The following TMEM131 variants were observed in gnomAD, a reference collection of about 807,000 sequenced individuals.
TMEM131 encodes 2610524E03Rik.
In TMEM131, 66 loss-of-function variants were observed where a neutral mutation model predicts 211.6. The observed-to-expected ratio is 0.31, with a 90% CI of 0.26 to 0.38. TMEM131 has a LOEUF of 0.38. Ranked by LOEUF, TMEM131 falls within the 10% of genes least tolerant of loss-of-function variation. TMEM131 has a pLI of 1.00. For synonymous variants in TMEM131, 844 were observed against 841.3 expected, an observed-to-expected ratio of 1.00 and a Z score of -0.06; for missense variants, 2,036 against 2,299.3, an observed-to-expected ratio of 0.89 and a Z score of 2.34.
chr2:97,920,299 G>A (rs936990032), intron 2 of TMEM131, among the ~76,000 whole-genome samples: 1 of 152,176 alleles, frequency 6.6e-6, no homozygotes, highest in African/African-American at 2.4e-5. Flanking sequence ...TATCTTGGGT[G>A]GGGGTGGCAA....
intron 1 of TMEM131, among the ~76,000 whole-genome samples, chr2:97,945,082 G>C (rs2104510675): frequency 6.6e-6 from 1 of 152,282 alleles, no homozygotes; most frequent in Middle Eastern, 3.4e-3. Flanking sequence ...ACTGACTAAT[G>C]AGCAGTTAAC....
chr2:97,797,025 A>C (rs758733158), intron 26 of TMEM131, 39 bp from the exon 27 acceptor site: 2 of 1,582,264 alleles, frequency 1.3e-6, no homozygotes, highest in Admixed American at 1.8e-5. Context: ...TCTCTCATTA[A>C]ATCTGCACAA....
chr2:97,939,945 A>G (rs1275518769), intron 1 of TMEM131, among the ~76,000 whole-genome samples: 3 of 152,246 alleles, frequency 2.0e-5, no homozygotes, highest in Non-Finnish European at 2.9e-5. Flanking sequence ...CAATAGATGC[A>G]GAAAAGGCCT....
At chr2:97,929,488 C>T (rs1181249260) in intron 1 of TMEM131, among the ~76,000 whole-genome samples, 1 of 151,802 alleles carries the variant, frequency 6.6e-6, no homozygotes, top group African/African-American at 2.4e-5. Flanking sequence ...CACTGTCCCA[C>T]ATATGTACCT....
chr2:97,940,083 A>C (rs1237763077), intron 1 of TMEM131, among the ~76,000 whole-genome samples: 2 of 152,204 alleles, frequency 1.3e-5, no homozygotes, highest in African/African-American at 4.8e-5. Context: ...ATAGACAAAA[A>C]TTGGAAGCAT....
intron 1 of TMEM131, among the ~76,000 whole-genome samples, chr2:97,972,820 C>T (rs1412045800): frequency 6.6e-6 from 1 of 152,126 alleles, no homozygotes; most frequent in Non-Finnish European, 1.5e-5. Context: ...CCCAATGCTG[C>T]TGGCTTTGAA....
chr2:97,960,939 C>T (rs1346967825), intron 1 of TMEM131, among the ~76,000 whole-genome samples: 2 of 151,846 alleles, frequency 1.3e-5, no homozygotes, highest in African/African-American at 4.8e-5. Flanking sequence ...GTTACTTCAC[C>T]ATCTTAATAT....
chr2:97,854,472 C>T (rs1673758826), intron 5 of TMEM131, among the ~76,000 whole-genome samples: 1 of 152,192 alleles, frequency 6.6e-6, no homozygotes, highest in African/African-American at 2.4e-5. Flanking sequence ...CCACGTACCA[C>T]TCTGGTCAGA....
At chr2:97,810,599 TC>T (rs1225634586) in intron 18 of TMEM131, among the ~76,000 whole-genome samples, 2 of 152,206 alleles carry the variant, frequency 1.3e-5, no homozygotes, top group African/African-American at 4.8e-5. Flanking sequence ...CAGAAATACA[TC>T]CATTCAAAAT....
intron 31 of TMEM131, among the ~76,000 whole-genome samples, chr2:97,791,319 G>C (rs1296500906): frequency 6.6e-6 from 1 of 152,128 alleles, no homozygotes; most frequent in African/African-American, 2.4e-5. Context: ...ACCACACTTC[G>C]AATGAGCAGA....
At chr2:97,975,632 A>C (rs545123295) in intron 1 of TMEM131, among the ~76,000 whole-genome samples, 1 of 152,266 alleles carries the variant, frequency 6.6e-6, no homozygotes, top group Non-Finnish European at 1.5e-5. Context: ...GGTTAAAAAA[A>C]TCCCCATAAA....
chr2:97,947,608 A>T (rs1271153101), intron 1 of TMEM131, among the ~76,000 whole-genome samples: 1 of 152,156 alleles, frequency 6.6e-6, no homozygotes, highest in Non-Finnish European at 1.5e-5. Flanking sequence ...AAAAGAACCA[A>T]TATTGTTACA....
At chr2:97,769,487 A>G (rs555418277) in intron 33 of TMEM131, among the ~76,000 whole-genome samples, 1 of 152,276 alleles carries the variant, frequency 6.6e-6, no homozygotes, top group South Asian at 2.1e-4. Flanking sequence ...ACAGCTAGGG[A>G]CATGACCAGC....
chr2:97,918,435 C>T (rs1676602729), intron 2 of TMEM131, among the ~76,000 whole-genome samples: 1 of 152,000 alleles, frequency 6.6e-6, no homozygotes, highest in South Asian at 2.1e-4. Flanking sequence ...AATCTTCTTG[C>T]CAAGAAAAAC....
intron 1 of TMEM131, among the ~76,000 whole-genome samples, chr2:97,950,707 A>AT (rs1256853623): frequency 6.6e-6 from 1 of 152,084 alleles, no homozygotes; most frequent in Non-Finnish European, 1.5e-5. Context: ...GAACTAGGGC[A>AT]TGGGTCTGCT....
rs1681603369 is a variant in TMEM131, at chr2:97,812,630, G to T, written c.1728+9C>A. The stretch of plus-strand genomic sequence containing the variant: ...TTAAATGTGATTTAGAATAAAAACA[G>T]GTTTTTACCTCAATTGGATTGCTGT... On this transcript the variant is annotated intron_variant, in intron 16 of 40. Coordinates refer to ENST00000186436, the MANE Select transcript of TMEM131 (RefSeq NM_015348.2). 1 of 1,580,172 alleles carries T rather than the reference G, an allele frequency of 6.3e-7. No individual in the cohort carries two copies. The highest frequency in any genetic ancestry group is 8.6e-7 in the Non-Finnish European group (1 of 1,163,954).
chr2:97,849,121 T>G (rs1683579219), intron 5 of TMEM131, among the ~76,000 whole-genome samples: 1 of 152,204 alleles, frequency 6.6e-6, no homozygotes, highest in African/African-American at 2.4e-5. Flanking sequence ...TACACCTAGC[T>G]GAGTGACTCG....
chr2:97,990,533 T>C (rs1373206908), intron 1 of TMEM131, among the ~76,000 whole-genome samples: 1 of 152,194 alleles, frequency 6.6e-6, no homozygotes, highest in Non-Finnish European at 1.5e-5. Context: ...TTACTTAACC[T>C]CTCTAAGCCT....
At position 97,801,956 on chromosome 2, in the gene TMEM131, T is replaced by A. The variant is rs1327892341; in HGVS notation, c.2657A>T (p.Asn886Ile). 2 of 1,606,860 alleles carry A rather than the reference T, an allele frequency of 1.2e-6. No homozygotes were observed. Among genetic ancestry groups the A allele is most frequent in the Non-Finnish European group, 1.7e-6 (2 of 1,176,252 alleles). Residue 886 changes from asparagine to isoleucine, a missense_variant, in exon 25 of 41, where the codon AAC becomes ATC. Physicochemically the swap from Asn to Ile is moderately radical, Grantham distance 149 (BLOSUM62 -3). Around this residue, in one of 3 missense-constraint regions of TMEM131, gnomAD observed 1,623 missense variants for 1,805.9 expected, o/e 0.90. Transcript: ENST00000186436. ...ATCTATCTTTGCCACCTTACTCAAG[T>A]TAAACCTAAAACAAAAAATGTACAC... ...VFVDKLVSRF[N>I]LSKVAKIDLR... is the part of the protein sequence containing the mutation.
Sources: allele counts gnomAD v4.1 joint callset (sites outside exome capture counted in the v4.1 genomes callset), GRCh38; gene constraint gnomAD v4.1.1; regional missense constraint gnomAD v4.1.1; transcripts MANE v1.5; gene names NCBI Gene and HGNC (gene_info 2026-07-23, HGNC 2026-07-21).